Variants in NECAB1 observed in about 807,000 individuals in gnomAD.
NECAB1 encodes N-terminal EF-hand calcium-binding protein 1.
A neutral mutation model predicts 57.5 loss-of-function variants in NECAB1; 29 were observed. The observed-to-expected ratio is 0.50, with a 90% CI of 0.38 to 0.69. The LOEUF is 0.69. Ranked by LOEUF, NECAB1 falls within the 30% of genes least tolerant of loss-of-function variation. The pLI, the probability that NECAB1 is intolerant of heterozygous loss-of-function variation, is 0.00. For synonymous variants in NECAB1, 142 were observed against 147.7 expected (o/e 0.96, Z 0.28); for missense variants, 372 against 413.8 (o/e 0.90, Z 0.88).
In NECAB1 at chr8:90,957,165, T is replaced by C. The variant is rs139777838; in HGVS notation, c.*1653T>C. On this transcript the variant is annotated 3_prime_UTR_variant, in exon 13 of 13. Transcript: ENST00000417640. ...ACACATAACAGTCTCTGCAGACTGA[T>C]TGTATATAGTAAGAAAAGATCAAAA... 2.0e-5 allele frequency: 3 copies of C among 152,128 alleles called. No individual in the cohort carries two copies. Among genetic ancestry groups the C allele is most frequent in the East Asian group, 1.9e-4 (1 of 5,186 alleles). 9.4% of individuals were successfully genotyped at this position (152,128 alleles called of 1,614,324 possible).
chr8:90,877,245 C>A lies in NECAB1; in HGVS notation c.260-3788C>A, dbSNP rs372680866. ...TCAAAGCTTTGGCATGGCTCATAGTCCTAGTTGTGTGATGAAATCCCTCCT... is the reference window on the plus strand; with the variant it reads ...TCAAAGCTTTGGCATGGCTCATAGTACTAGTTGTGTGATGAAATCCCTCCT... On this transcript the variant is annotated intron_variant, in intron 4 of 12. Coordinates refer to ENST00000417640, the MANE Select transcript of NECAB1 (RefSeq NM_022351.5). Among the ~76,000 whole-genome samples, 9 of 152,308 alleles carry A rather than the reference C, an allele frequency of 5.9e-5. No homozygotes were observed. The East Asian group carries it at 1.5e-3, about 26-fold the overall frequency.
Position 90,955,533 on chromosome 8 carries a change from TA to T in NECAB1, c.*22del. ...ACTAGATGTTCCTAGACATTTTCTT[TA>T]TGGTTCCAAGTGCAAAACAGGTGTT... On this transcript the variant is annotated 3_prime_UTR_variant, in exon 13 of 13. Transcript: ENST00000417640. 6.5e-7 allele frequency: 1 copy of T among 1,545,872 alleles called. No individual in the cohort carries two copies. Among genetic ancestry groups the T allele is most frequent in the Non-Finnish European group, 8.8e-7 (1 of 1,142,454 alleles).
Position 90,803,467 on chromosome 8 carries a change from G to C in NECAB1, c.124+1752G>C, listed in dbSNP as rs140734901. Among the ~76,000 whole-genome samples, 6 of 152,184 alleles carry C rather than the reference G, an allele frequency of 3.9e-5. No homozygotes were observed. The East Asian group carries it at 1.2e-3, about 29-fold the overall frequency. On this transcript the variant is annotated intron_variant, in intron 2 of 12. Coordinates refer to ENST00000417640, the MANE Select transcript of NECAB1 (RefSeq NM_022351.5). ...CTGATTTAGGTCCACCCTTACCTTT[G>C]TATGTATTTCTCTTCTTTCCATCAA...
At chr8:90,941,969 ATGTG>A (rs957618064) in intron 10 of NECAB1, among the ~76,000 whole-genome samples, 6 of 152,248 alleles carry the variant, frequency 3.9e-5, no homozygotes, top group Non-Finnish European at 5.9e-5. Flanking sequence ...TTTTTAGAAA[ATGTG>A]TGTGTGTTTG....
intron 10 of NECAB1, 128 bp downstream of exon 10, chr8:90,941,026 A>T (rs1810658089): frequency 1.4e-6 from 1 of 689,700 alleles, no homozygotes; most frequent in Non-Finnish European, 2.5e-6. Context: ...TAAATTATAC[A>T]GAGCATTCCA....
chr8:90,859,503 G>T (rs1001984775), intron 3 of NECAB1, among the ~76,000 whole-genome samples: 6 of 152,246 alleles, frequency 3.9e-5, no homozygotes, highest in Admixed American at 1.3e-4. Context: ...AAGAGGAGTA[G>T]GTCAACAAGA....
At chr8:90,936,662 A>G (rs547434766) in intron 9 of NECAB1, among the ~76,000 whole-genome samples, 23 of 152,278 alleles carry the variant, frequency 1.5e-4, no homozygotes, top group Admixed American at 5.2e-4. Flanking sequence ...ATTCCCTACC[A>G]TAAGAGCAGA....
In NECAB1 at chr8:90,794,947, T is replaced by C. The variant is rs1811636644; in HGVS notation, c.99+2962T>C. ...TACTCTTGAATACTGATGGGAGGCTTAGAAAACCTAGCACTGGTGCCAAGG... is the reference window on the plus strand; with the variant it reads ...TACTCTTGAATACTGATGGGAGGCTCAGAAAACCTAGCACTGGTGCCAAGG... On this transcript the variant is annotated intron_variant, in intron 1 of 12. Transcript: ENST00000417640. 3.3e-5 allele frequency among the ~76,000 whole-genome samples: 5 copies of C among 152,296 alleles called. No homozygotes were observed. The South Asian group carries it at 1.0e-3, about 32-fold the overall frequency.
At chr8:90,797,140 C>CA (rs1226931468) in intron 1 of NECAB1, among the ~76,000 whole-genome samples, 1 of 152,314 alleles carries the variant, frequency 6.6e-6, no homozygotes, top group East Asian at 1.9e-4. Flanking sequence ...AATGAATCCT[C>CA]AAAATCCCCT....
chr8:90,845,698 A>G (rs1812543868), intron 3 of NECAB1, among the ~76,000 whole-genome samples: 2 of 152,242 alleles, frequency 1.3e-5, no homozygotes, highest in African/African-American at 4.8e-5. Context: ...CCAGAAAAAA[A>G]TCAAAGTGTA....
chr8:90,871,591 A>G (rs1382232521), intron 3 of NECAB1, among the ~76,000 whole-genome samples: 3 of 152,148 alleles, frequency 2.0e-5, no homozygotes, highest in African/African-American at 7.2e-5. Context: ...CAAAGGCTGA[A>G]TTTAGGAAGG....
intron 3 of NECAB1, among the ~76,000 whole-genome samples, chr8:90,860,114 A>G (rs1812869586): frequency 6.6e-6 from 1 of 152,278 alleles, no homozygotes; most frequent in Admixed American, 6.5e-5. Flanking sequence ...CTTTTCGTGC[A>G]TGTTAAAATA....
intron 11 of NECAB1, among the ~76,000 whole-genome samples, chr8:90,950,763 G>T (rs1297651368): frequency 2.6e-5 from 4 of 151,990 alleles, no homozygotes; most frequent in Non-Finnish European, 5.9e-5. Flanking sequence ...TAGCTTTTTA[G>T]ATTTATTTTT....
intron 12 of NECAB1, among the ~76,000 whole-genome samples, chr8:90,954,335 A>G (rs917116654): frequency 3.9e-5 from 6 of 152,128 alleles, no homozygotes; most frequent in Admixed American, 3.9e-4. Flanking sequence ...ATGAAAATAT[A>G]CACTATAATA....
intron 4 of NECAB1, among the ~76,000 whole-genome samples, chr8:90,874,249 A>G (rs746879318): frequency 3.3e-5 from 5 of 152,236 alleles, no homozygotes; most frequent in Non-Finnish European, 7.3e-5. Flanking sequence ...TGGCATGAAA[A>G]GTAGATTTCA....
intron 3 of NECAB1, among the ~76,000 whole-genome samples, chr8:90,828,740 A>G (rs1812261445): frequency 6.6e-6 from 1 of 152,050 alleles, no homozygotes; most frequent in Admixed American, 6.6e-5. Flanking sequence ...TTTCTTGCAT[A>G]TAGTAATTGA....
chr8:90,860,900 G>A (rs1244912713), intron 3 of NECAB1, among the ~76,000 whole-genome samples: 1 of 152,114 alleles, frequency 6.6e-6, no homozygotes, highest in East Asian at 1.9e-4. Flanking sequence ...GTGAGGGAAG[G>A]TTAGCCTTGA....
chr8:90,909,078 A>G (rs1809764695), intron 5 of NECAB1, among the ~76,000 whole-genome samples: 2 of 152,144 alleles, frequency 1.3e-5, no homozygotes, highest in Admixed American at 1.3e-4. Context: ...TCTGAACTCT[A>G]TCTTTGCTAG....
At chr8:90,792,526 T>G (rs1263841814) in intron 1 of NECAB1, among the ~76,000 whole-genome samples, 1 of 152,200 alleles carries the variant, frequency 6.6e-6, no homozygotes. Context: ...ATGATTCTTT[T>G]TGTCACTGCC....
Sources: allele counts gnomAD v4.1 joint callset (sites outside exome capture counted in the v4.1 genomes callset), GRCh38; gene constraint gnomAD v4.1.1; transcripts MANE v1.5; gene names NCBI Gene and HGNC (gene_info 2026-07-23, HGNC 2026-07-21).